Variants in ATG4B observed in about 807,000 individuals in gnomAD.
The protein encoded by ATG4B is cysteine protease ATG4B.
A neutral mutation model predicts 56.6 loss-of-function variants in ATG4B; 29 were observed. The ratio of observed to expected loss-of-function variants is 0.51; its 90% CI spans 0.38 to 0.70. The LOEUF (loss-of-function observed/expected upper bound fraction) is 0.70. Ranked by LOEUF, ATG4B falls within the 30% of genes least tolerant of loss-of-function variation. The pLI is 0.00. For missense variants in ATG4B, 461 were observed against 515.5 expected (o/e 0.89, Z 1.02); for synonymous variants, 224 against 206.1 (o/e 1.09, Z -0.74).
chr2:241,643,463 T>C (rs973176103), intron 1 of ATG4B, among the ~76,000 whole-genome samples: 4 of 150,902 alleles, frequency 2.7e-5, no homozygotes, highest in Non-Finnish European at 4.4e-5. Context: ...CATCTTGGCT[T>C]CTTAAAGTGC....
chr2:241,670,073 C>T (rs1421622155), intron 10 of ATG4B, among the ~76,000 whole-genome samples: 1 of 152,200 alleles, frequency 6.6e-6, no homozygotes, highest in Non-Finnish European at 1.5e-5. Flanking sequence ...CCTACACCAG[C>T]GCCGAGGCGG....
chr2:241,656,517 A>G (rs1207612127), intron 6 of ATG4B, among the ~76,000 whole-genome samples: 2 of 152,124 alleles, frequency 1.3e-5, no homozygotes, highest in Non-Finnish European at 2.9e-5. Flanking sequence ...TTTCTCTGGA[A>G]GCACCAGGCC....
At chr2:241,662,300 A>G (rs553056433) in intron 7 of ATG4B, among the ~76,000 whole-genome samples, 46 of 152,322 alleles carry the variant, frequency 3.0e-4, no homozygotes, top group African/African-American at 1.1e-3. Flanking sequence ...GGCAGTCTCA[A>G]CTGGCCTGGG....
At chr2:241,641,702 C>A (rs1240026441) in intron 1 of ATG4B, among the ~76,000 whole-genome samples, 1 of 152,034 alleles carries the variant, frequency 6.6e-6, no homozygotes, top group African/African-American at 2.4e-5. Flanking sequence ...GCTTTTGGGT[C>A]TACAGGTTTG....
At chr2:241,669,006 C>G (rs1216793222) in intron 10 of ATG4B, 3 of 365,236 alleles carry the variant, frequency 8.2e-6, no homozygotes, top group African/African-American at 2.2e-5. Flanking sequence ...CCCCCTCACA[C>G]CTACATTTAA....
At chr2:241,666,458 T>C (rs2068774202) in intron 7 of ATG4B, 187 bp from the exon 8 acceptor site, 2 of 631,480 alleles carry the variant, frequency 3.2e-6, no homozygotes, top group South Asian at 2.0e-5. Flanking sequence ...ATTTCTTTTT[T>C]CTCTGGGTGG....
chr2:241,670,089 T>C (rs111275706), intron 10 of ATG4B, among the ~76,000 whole-genome samples: 30,083 of 152,192 alleles, frequency 0.2, 3,313 homozygotes, highest in East Asian at 0.28. Context: ...GGCGGCAGAA[T>C]GGTGTCTTCA....
rs915624161 is a variant in ATG4B, at chr2:241,673,658, C to G, written c.*1394C>G. ...GAAGCAGGGAAGGCTGGTGCGATCT[C>G]CATTCCTTGGGCTCCACGTCCGAGT... On this transcript the variant is annotated 3_prime_UTR_variant, in exon 13 of 13. Transcript: ENST00000404914. 14 of 456,464 alleles carry G rather than the reference C, an allele frequency of 3.1e-5. No homozygotes were observed. Among genetic ancestry groups the G allele is most frequent in the African/African-American group, 2.4e-4 (12 of 50,050 alleles). The allele number at this position is 456,464 out of a possible 1,614,324, so 28.3% of individuals were successfully genotyped here.
chr2:241,664,921 G>A (rs938638773), intron 7 of ATG4B, among the ~76,000 whole-genome samples: 1 of 151,852 alleles, frequency 6.6e-6, no homozygotes, highest in African/African-American at 2.4e-5. Context: ...CCGAGATTAT[G>A]CCACTGCACT....
intron 7 of ATG4B, among the ~76,000 whole-genome samples, chr2:241,665,534 C>G (rs1273879136): frequency 1.3e-5 from 2 of 152,208 alleles, no homozygotes; most frequent in Non-Finnish European, 2.9e-5. Context: ...TTCAGGTCAG[C>G]TGACCATCCC....
rs1314210807 is a variant in ATG4B at position 241,666,726 on chromosome 2, C to G, written c.620C>G (p.Pro207Arg). ...ADSDRHCNGF[P>R]AGAEVTNRPS... is the part of the protein sequence containing the mutation. ...TCCGACCGGCACTGCAACGGATTCC[C>G]TGCCGGAGCTGAGGTCACCAACAGG... The change falls in exon 8 of 13, where the codon CCT becomes CGT. Residue 207 changes from proline (P) to arginine (R), a missense_variant. Pro to Arg is a moderately radical substitution (Grantham distance 103). Transcript: ENST00000404914. 45 of 1,611,738 alleles carry G rather than the reference C, an allele frequency of 2.8e-5. No individual in the cohort carries two copies. The highest frequency in any genetic ancestry group is 3.8e-5 in the Non-Finnish European group (45 of 1,179,056).
At chr2:241,656,874 A>G (rs984800457) in intron 6 of ATG4B, among the ~76,000 whole-genome samples, 1 of 152,210 alleles carries the variant, frequency 6.6e-6, no homozygotes. Context: ...GTGTAGTGGC[A>G]TGATCTCTGC....
At chr2:241,662,697 C>T (rs1037786507) in intron 7 of ATG4B, among the ~76,000 whole-genome samples, 20 of 152,230 alleles carry the variant, frequency 1.3e-4, no homozygotes, top group African/African-American at 4.1e-4. Flanking sequence ...AACTCACCAC[C>T]GGGAAGCCTT....
At chr2:241,644,656 A>G (rs1417290528) in intron 1 of ATG4B, among the ~76,000 whole-genome samples, 1 of 152,064 alleles carries the variant, frequency 6.6e-6, no homozygotes, top group Non-Finnish European at 1.5e-5. Flanking sequence ...CTCAGTAGAA[A>G]TCAGAAGTGT....
intron 10 of ATG4B, 199 bp from the exon 11 acceptor site, chr2:241,670,527 G>A (rs1371553650): frequency 3.4e-5 from 21 of 613,958 alleles, no homozygotes; most frequent in South Asian, 5.8e-5. Flanking sequence ...GAGGGGAGCC[G>A]GGCACTGGTG....
rs1559279354 is a variant in ATG4B, at chr2:241,673,757, CGT to C, written c.*1498_*1499del. 2 of 454,652 alleles carry C rather than the reference CGT, an allele frequency of 4.4e-6. No homozygotes were observed. Among genetic ancestry groups the C allele is most frequent in the African/African-American group, 4.0e-5 (2 of 49,946 alleles). The allele number at this position is 454,652 out of a possible 1,614,324, so 28.2% of individuals were successfully genotyped here. ...CCTTGACCAAAGGGGAGCTTTGTCT[CGT>C]GTGTTTTGAAAAAGGCTTAATGAAG... On this transcript the variant is annotated 3_prime_UTR_variant, in exon 13 of 13. Coordinates refer to ENST00000404914, the MANE Select transcript of ATG4B (RefSeq NM_013325.5).
At position 241,653,584 on chromosome 2, in the gene ATG4B, C is replaced by T. The variant is rs2068288559; in HGVS notation, c.257C>T (p.Ala86Val). 6.4e-7 allele frequency: 1 copy of T among 1,572,898 alleles called. No homozygotes were observed. The highest frequency in any genetic ancestry group is 8.6e-7 in the Non-Finnish European group (1 of 1,159,094). ...TGTGGACAGATGATCTTTGCCCAAGCCCTGGTGTGCCGGCACCTAGGCCGA... is the reference window on the plus strand; with the variant it reads ...TGTGGACAGATGATCTTTGCCCAAGTCCTGGTGTGCCGGCACCTAGGCCGA... ...LRCGQMIFAQ[A>V]LVCRHLGRDW... is the part of the protein sequence containing the mutation. The change falls in exon 4 of 13, where the codon GCC becomes GTC. Residue 86 changes from alanine (A) to valine (V), a missense_variant. Physicochemically the swap from Ala to Val is moderately conservative, Grantham distance 64. Transcript: ENST00000404914.
At chr2:241,645,284 T>A (rs2068030048) in intron 1 of ATG4B, among the ~76,000 whole-genome samples, 1 of 152,194 alleles carries the variant, frequency 6.6e-6, no homozygotes. Context: ...TGCAGGTCTC[T>A]TTGGTCCTTG....
chr2:241,639,293 C>T (rs1011323523), intron 1 of ATG4B, among the ~76,000 whole-genome samples: 11 of 152,206 alleles, frequency 7.2e-5, no homozygotes, highest in African/African-American at 2.7e-4. Context: ...AAGGTAGTGG[C>T]GCCCAAGCAG....
Sources: allele counts gnomAD v4.1 joint callset (sites outside exome capture counted in the v4.1 genomes callset), GRCh38; gene constraint gnomAD v4.1.1; transcripts MANE v1.5; gene names NCBI Gene and HGNC (gene_info 2026-07-23, HGNC 2026-07-21).